Variants in MCF2L2 observed in about 807,000 individuals in gnomAD.
The protein encoded by MCF2L2 is MCF.2 cell line derived transforming sequence-like 2.
MCF2L2 carries 102 observed loss-of-function variants against 150.2 expected under a neutral mutation model. The observed-to-expected ratio is 0.68, with a 90% CI of 0.58 to 0.80. The LOEUF (loss-of-function observed/expected upper bound fraction) is 0.80. Ranked by LOEUF, MCF2L2 falls within the 30% of genes least tolerant of loss-of-function variation. MCF2L2 has a pLI of 0.00. For synonymous variants in MCF2L2, 465 were observed against 491.3 expected (o/e 0.95, Z 0.71); for missense variants, 1,256 against 1,372.8 (o/e 0.91, Z 1.34).
chr3:183,404,580 G>A (rs1339176038), intron 1 of MCF2L2, among the ~76,000 whole-genome samples: 5 of 152,072 alleles, frequency 3.3e-5, no homozygotes, highest in African/African-American at 1.2e-4. Context: ...AAAACAATAT[G>A]GGCTGGGCGT....
intron 15 of MCF2L2, among the ~76,000 whole-genome samples, chr3:183,262,055 G>C (rs2108420743): frequency 6.9e-6 from 1 of 145,142 alleles, no homozygotes; most frequent in East Asian, 2.0e-4. Flanking sequence ...AAAGGAATGA[G>C]GAATGCATAT....
chr3:183,231,049 G>A lies in MCF2L2; in HGVS notation c.1863-32C>T, dbSNP rs779642816. The A allele has an allele frequency of 2.0e-6, 3 of 1,495,138 alleles. No homozygotes were observed. In the African/African-American group the frequency reaches 4.1e-5, roughly 21 times the overall value. The allele number at this position is 1,495,138 out of a possible 1,614,324, so 92.6% of individuals were successfully genotyped here. A position where few individuals can be genotyped will look rare whatever the true frequency, so the allele number is the denominator to read the frequency against. On this transcript the variant is annotated intron_variant, in intron 15 of 29. Transcript: ENST00000328913. The stretch of plus-strand genomic sequence containing the variant: ...CACAGCAGCAGGTGGGAGGGTGAAA[G>A]AGAGAGAGACAGGGAGAGGAGAATG...
chr3:183,269,989 T>A, intron 15 of MCF2L2: 1 of 1,614,198 alleles, frequency 6.2e-7, no homozygotes. Flanking sequence ...ACCCTGTCTC[T>A]TAAGCACACC....
chr3:183,384,408 G>T lies in MCF2L2; in HGVS notation c.161-4997C>A, dbSNP rs150531913. 7.6e-4 allele frequency among the ~76,000 whole-genome samples: 115 copies of T among 152,314 alleles called. 1 individual carries two copies. The highest frequency in any genetic ancestry group is 2.1e-3 in the African/African-American group (86 of 41,558). ...TGATGGTTTAGGAGTCATGCAGCTGGAGGCTGCAAGGTCCTGACCCTCCCT... is the reference window on the plus strand; with the variant it reads ...TGATGGTTTAGGAGTCATGCAGCTGTAGGCTGCAAGGTCCTGACCCTCCCT... On this transcript the variant is annotated intron_variant, in intron 2 of 29. Transcript: ENST00000328913.
Position 183,428,036 on chromosome 3 carries a change from G to T in MCF2L2, c.-59C>A. The T allele has an allele frequency of 7.4e-7, 1 of 1,351,252 alleles. No homozygotes were observed. The highest frequency in any genetic ancestry group is 1.1e-6 in the Non-Finnish European group (1 of 941,790). 83.7% of individuals were successfully genotyped at this position (1,351,252 alleles called of 1,614,324 possible). A position where few individuals can be genotyped will look rare whatever the true frequency, so the allele number is the denominator to read the frequency against. On this transcript the variant is annotated 5_prime_UTR_variant, in exon 1 of 30. Coordinates refer to ENST00000328913, the MANE Select transcript of MCF2L2 (RefSeq NM_015078.4). The surrounding 1 kb of genome is among the most constrained non-coding windows in gnomAD (Gnocchi z 5.1). ...AAACAAAACTGTTTCTACCGCTGCG[G>T]TGGATGATTTTTTAAAGGCATCTCC...
chr3:183,333,277 C>T (rs1357927502), intron 5 of MCF2L2, among the ~76,000 whole-genome samples: 1 of 152,152 alleles, frequency 6.6e-6, no homozygotes, highest in Non-Finnish European at 1.5e-5. Flanking sequence ...GAACTCCTGA[C>T]CCCAGATGAT....
intron 20 of MCF2L2, among the ~76,000 whole-genome samples, chr3:183,222,365 CA>C (rs1392993162): frequency 6.6e-6 from 1 of 152,148 alleles, no homozygotes; most frequent in Non-Finnish European, 1.5e-5. Flanking sequence ...GCCTGGCCAA[CA>C]TGGTGAAACC....
chr3:183,240,208 T>C (rs13323997), intron 15 of MCF2L2, among the ~76,000 whole-genome samples: 3,212 of 152,290 alleles, frequency 0.021, 103 homozygotes, highest in African/African-American at 0.072. Flanking sequence ...CCAGTCTATT[T>C]TGCAGACCAC....
Position 183,270,187 on chromosome 3 carries a change from C to G in MCF2L2, c.1862+6685G>C. On this transcript the variant is annotated intron_variant, in intron 15 of 29. Transcript: ENST00000328913. This position sits in a 1 kb window ranked among gnomAD's most constrained non-coding sequence, Gnocchi z 4.5. ...AATGCCAACATCAAAACTCTGTTTG[C>G]CTTAGGAACTCCTAATCCACTGGAG... 6.2e-7 allele frequency: 1 copy of G among 1,614,150 alleles called. No individual in the cohort carries two copies. Among genetic ancestry groups the G allele is most frequent in the South Asian group, 1.1e-5 (1 of 91,080 alleles).
intron 15 of MCF2L2, chr3:183,271,976 CAAGTTCAGAGTTTT>C: frequency 3.8e-6 from 1 of 260,548 alleles, no homozygotes; most frequent in African/African-American, 2.3e-5. Context: ...CACTTTGTTC[CAAGTTCAGAGTTTT>C]AAATTGAGAG....
At chr3:183,325,623 GAGTTGCTATGGTAAT>G (rs924718163) in intron 5 of MCF2L2, among the ~76,000 whole-genome samples, 1 of 152,154 alleles carries the variant, frequency 6.6e-6, no homozygotes, top group African/African-American at 2.4e-5. Flanking sequence ...CTTGGAGTAT[GAGTTGCTATGGTAAT>G]AATCGACATT....
At chr3:183,205,992 T>G (rs1484137402) in intron 24 of MCF2L2, 38 bp from the exon 25 acceptor site, 1 of 1,580,316 alleles carries the variant, frequency 6.3e-7, no homozygotes, top group African/African-American at 1.3e-5. Context: ...AAGACTACCA[T>G]GAGTATTAAT....
chr3:183,357,578 C>T lies in MCF2L2; in HGVS notation c.276-15948G>A, dbSNP rs536396109. Reference sequence around the variant, plus strand: ...TTCATGTAACAACTTGCAGTTAAAACGCAAGCATACGACACACCATTTATT... The same window carrying T: ...TTCATGTAACAACTTGCAGTTAAAATGCAAGCATACGACACACCATTTATT... On this transcript the variant is annotated intron_variant, in intron 3 of 29. Transcript: ENST00000328913. Among the ~76,000 whole-genome samples, 29 of 152,252 alleles carry T rather than the reference C, an allele frequency of 1.9e-4. 1 individual carries two copies. The South Asian group carries it at 5.0e-3, about 26-fold the overall frequency.
In MCF2L2 at chr3:183,268,943, A is replaced by C. The variant is rs564357930; in HGVS notation, c.1862+7929T>G. On this transcript the variant is annotated intron_variant, in intron 15 of 29. Transcript: ENST00000328913. ...GTGGCTGTATAAATCTGGGGCTCAC[A>C]AAGTAATTTTGATTACTGAGAGTTT... is the stretch of plus-strand genomic sequence containing the variant. Among the ~76,000 whole-genome samples, 74 of 152,314 alleles carry C rather than the reference A, an allele frequency of 4.9e-4. 1 individual carries two copies. Among genetic ancestry groups the C allele is most frequent in the South Asian group, 1.5e-3 (7 of 4,822 alleles).
chr3:183,294,778 A>G (rs6791618), intron 13 of MCF2L2, among the ~76,000 whole-genome samples: 15,185 of 151,502 alleles, frequency 0.1, 2,150 homozygotes, highest in African/African-American at 0.31. Context: ...ACAGGTGCCC[A>G]CCACCACGCC....
At chr3:183,319,248 GTTC>G (rs1041500629) in intron 6 of MCF2L2, among the ~76,000 whole-genome samples, 3 of 152,234 alleles carry the variant, frequency 2.0e-5, no homozygotes, top group African/African-American at 7.2e-5. Context: ...GTAAAAAACT[GTTC>G]TTCATTCATT....
chr3:183,324,770 A>C lies in MCF2L2; in HGVS notation c.487-1419T>G, dbSNP rs187059958. On this transcript the variant is annotated intron_variant, in intron 5 of 29. Transcript: ENST00000328913. ...ATTGTGGCCTAAAGTCTATAGGCCA[A>C]AATTATGCAACAAAACTGATTTACT... is the stretch of plus-strand genomic sequence containing the variant. Among the ~76,000 whole-genome samples, 277 of 152,200 alleles carry C rather than the reference A, an allele frequency of 1.8e-3. 3 individuals carry two copies. Among genetic ancestry groups the C allele is most frequent in the Admixed American group, 0.015 (225 of 15,280 alleles).
At chr3:183,423,879 C>T (rs1577145819) in intron 1 of MCF2L2, among the ~76,000 whole-genome samples, 1 of 152,116 alleles carries the variant, frequency 6.6e-6, no homozygotes, top group Non-Finnish European at 1.5e-5. Flanking sequence ...GCCTCGGCCT[C>T]CCAAAGTGCT....
In MCF2L2 at chr3:183,179,030, A is replaced by C; in HGVS notation, c.*350T>G. 4.7e-6 allele frequency: 1 copy of C among 213,412 alleles called. No individual in the cohort carries two copies. Among genetic ancestry groups the C allele is most frequent in the Admixed American group, 5.8e-5 (1 of 17,104 alleles). The allele number at this position is 213,412 out of a possible 1,614,324, so 13.2% of individuals were successfully genotyped here. ...GGCGCATTCCTGGCACCTAGTGGGT[A>C]GAGGCCAGGGGTGCTACTAAACATC... is the stretch of plus-strand genomic sequence containing the variant. On this transcript the variant is annotated 3_prime_UTR_variant, in exon 30 of 30. Transcript: ENST00000328913. The surrounding 1 kb of genome is among the most constrained non-coding windows in gnomAD (Gnocchi z 4.2).
Sources: allele counts gnomAD v4.1 joint callset (sites outside exome capture counted in the v4.1 genomes callset), GRCh38; gene constraint gnomAD v4.1.1; non-coding constraint Gnocchi (gnomAD v3.1); transcripts MANE v1.5; gene names NCBI Gene and HGNC (gene_info 2026-07-23, HGNC 2026-07-21).